FRMPD1: variants seen among roughly 807,000 people sequenced by gnomAD.
FRMPD1 encodes the protein FERM and PDZ domain containing 1.
FRMPD1 carries 76 observed loss-of-function variants against 117.8 expected under a neutral mutation model. The ratio of observed to expected loss-of-function variants is 0.65; its 90% CI spans 0.54 to 0.78. The LOEUF is 0.78. Among genes scored for constraint, FRMPD1 ranks in the 30% least tolerant of loss-of-function variants. The probability of loss-of-function intolerance (pLI) is 0.00; values close to 1 mark genes in which losing one functional copy is unlikely to be tolerated. For synonymous variants in FRMPD1, 783 were observed against 770.4 expected (o/e 1.02, Z -0.27); for missense variants, 1,786 against 1,964.5 (o/e 0.91, Z 1.72).
chr9:37,664,057 G>A (rs1172775598), intron 1 of FRMPD1, among the ~76,000 whole-genome samples: 1 of 152,094 alleles, frequency 6.6e-6, no homozygotes, highest in South Asian at 2.1e-4. Flanking sequence ...CATGACAGAC[G>A]CCCAAGAGCT....
At chr9:37,690,994 A>G (rs1588930979) in intron 1 of FRMPD1, among the ~76,000 whole-genome samples, 1 of 152,202 alleles carries the variant, frequency 6.6e-6, no homozygotes, top group East Asian at 1.9e-4. Flanking sequence ...ATCACCTCTT[A>G]TAAGTTTCAC....
the FRMPD1 span, among the ~76,000 whole-genome samples, chr9:37,608,937 G>A: frequency 6.6e-6 from 1 of 152,092 alleles, no homozygotes; most frequent in Admixed American, 6.5e-5. Context: ...GTCCAACCGT[G>A]CTCCTGAATT....
intron 1 of FRMPD1, among the ~76,000 whole-genome samples, chr9:37,692,124 G>A (rs764925191): frequency 2.6e-5 from 4 of 152,126 alleles, no homozygotes; most frequent in Admixed American, 6.5e-5. Flanking sequence ...TTTTTTATAA[G>A]CTAGTGTTGA....
chr9:37,679,956 T>C (rs749610681), intron 1 of FRMPD1, among the ~76,000 whole-genome samples: 7 of 152,160 alleles, frequency 4.6e-5, no homozygotes, highest in Non-Finnish European at 1.0e-4. Context: ...ACACCACCAG[T>C]GTTGGCATTG....
intron 2 of FRMPD1, among the ~76,000 whole-genome samples, chr9:37,701,980 A>G (rs1477538357): frequency 1.3e-5 from 2 of 152,216 alleles, no homozygotes; most frequent in African/African-American, 4.8e-5. Context: ...AGGAAAGTCA[A>G]GGATGACTCT....
At position 37,725,224 on chromosome 9, in the gene FRMPD1, A is replaced by G. The variant is rs116914832; in HGVS notation, c.612+904A>G. 2.4e-3 allele frequency among the ~76,000 whole-genome samples: 366 copies of G among 152,348 alleles called. 5 individuals carry two copies. In the East Asian group the frequency reaches 0.045, roughly 19 times the overall value. ...GAGTTTTATCCATAGATAATATCGT[A>G]TGGTGCTAGCAGTTCTTGAACAAGG... On this transcript the variant is annotated intron_variant, in intron 7 of 15. Transcript: ENST00000377765.
intron 1 of FRMPD1, among the ~76,000 whole-genome samples, chr9:37,678,844 G>A (rs1194928463): frequency 2.6e-5 from 4 of 152,232 alleles, no homozygotes; most frequent in Admixed American, 6.5e-5. Context: ...TTCTGTGTGA[G>A]CCTCCCAAGT....
the FRMPD1 span, among the ~76,000 whole-genome samples, chr9:37,644,118 G>A: frequency 2.6e-5 from 4 of 152,188 alleles, no homozygotes; most frequent in Non-Finnish European, 4.4e-5. Context: ...ATGCTGTGTG[G>A]GCTAGGTGTG....
chr9:37,660,965 A>C (rs1159088810), intron 1 of FRMPD1, among the ~76,000 whole-genome samples: 1 of 152,234 alleles, frequency 6.6e-6, no homozygotes, highest in Non-Finnish European at 1.5e-5. Flanking sequence ...AGTCATCAGT[A>C]GTATCCTGGC....
chr9:37,740,637 C>T lies in FRMPD1; in HGVS notation c.2109C>T (p.His703=), dbSNP rs746780829. 1.1e-5 allele frequency: 18 copies of T among 1,614,072 alleles called. No individual in the cohort carries two copies. The highest frequency in any genetic ancestry group is 2.7e-5 in the African/African-American group (2 of 75,060). The change falls in exon 15 of 16, where the codon CAC becomes CAT. Residue 703 remains histidine, a synonymous_variant. Transcript: ENST00000377765. The surrounding 1 kb of genome is among the most constrained non-coding windows in gnomAD (Gnocchi z 4.2). ...ACCCCAGGCTGTATGAAGGCAGCCA[C>T]GCTGACTACTACAGCCTGTGTTCCA... The part of the protein sequence containing the change: ...RLDPRLYEGS[H]ADYYSLCSSV...
At position 37,740,167 on chromosome 9, in the gene FRMPD1, C is replaced by T; in HGVS notation, c.1639C>T (p.Leu547=). Residue 547 remains leucine, a synonymous_variant, in exon 15 of 16, where the codon CTG becomes TTG. Transcript: ENST00000377765. This position sits in a 1 kb window ranked among gnomAD's most constrained non-coding sequence, Gnocchi z 4.2. ...EPLSDRRLVK[L]APCRSLIKEE... ...TCTCTCTGACAGGCGCCTGGTGAAA[C>T]TGGCACCCTGCAGATCACTCATAAA... The T allele has an allele frequency of 6.2e-7, 1 of 1,613,970 alleles. No homozygotes were observed. Among genetic ancestry groups the T allele is most frequent in the Non-Finnish European group, 8.5e-7 (1 of 1,179,882 alleles).
At chr9:37,631,043 C>T in the FRMPD1 span, among the ~76,000 whole-genome samples, 1 of 152,004 alleles carries the variant, frequency 6.6e-6, no homozygotes, top group Non-Finnish European at 1.5e-5. Context: ...ATAGGAAGTC[C>T]TACAGAGGAA....
intron 1 of FRMPD1, among the ~76,000 whole-genome samples, chr9:37,654,996 C>T (rs978772879): frequency 4.6e-5 from 7 of 152,150 alleles, no homozygotes; most frequent in African/African-American, 1.4e-4. Flanking sequence ...CTTCCCTGCC[C>T]CCGGAGGTGC....
the FRMPD1 span, among the ~76,000 whole-genome samples, chr9:37,640,907 G>T: frequency 1.9e-4 from 29 of 152,214 alleles, no homozygotes; most frequent in African/African-American, 6.5e-4. Context: ...TAGAGACAGG[G>T]TCTCGCTCTA....
the FRMPD1 span, among the ~76,000 whole-genome samples, chr9:37,612,264 T>C: frequency 0.16 from 24,717 of 152,126 alleles, 2,395 homozygotes; most frequent in African/African-American, 0.27. Context: ...TTCAGAACAC[T>C]CACAAACTTA....
chr9:37,618,621 A>C, the FRMPD1 span, among the ~76,000 whole-genome samples: 1 of 152,134 alleles, frequency 6.6e-6, no homozygotes, highest in Admixed American at 6.5e-5. Context: ...ATTGGTCCAA[A>C]TTAACCTTTC....
chr9:37,649,968 A>G (rs1017829030), upstream of FRMPD1, among the ~76,000 whole-genome samples: 2 of 152,018 alleles, frequency 1.3e-5, no homozygotes, highest in Non-Finnish European at 1.5e-5. Context: ...TCAGGTTTCC[A>G]TTTAGAGCAT....
At chr9:37,728,007 A>G (rs7024253) in intron 7 of FRMPD1, 96,583 of 152,144 alleles carry the variant, frequency 0.63, 31,085 homozygotes, top group Non-Finnish European at 0.7. Context: ...GGCAAGGCCC[A>G]CATCCTCAGA....
Position 37,731,081 on chromosome 9 carries a change from C to T in FRMPD1, c.836C>T (p.Ala279Val), listed in dbSNP as rs774259407. Residue 279 changes from alanine (A) to valine (V), a missense_variant, in exon 9 of 16, where the codon GCC (alanine) becomes GTC (valine). Coordinates refer to ENST00000377765, the MANE Select transcript of FRMPD1 (RefSeq NM_014907.3). ...GACCTCCTGAAAGAAGACCCCGTGGCCTTTGAATACCTCTATCTGCAGGTG... is the reference window on the plus strand; with the variant it reads ...GACCTCCTGAAAGAAGACCCCGTGGTCTTTGAATACCTCTATCTGCAGGTG... ...PLDLLKEDPV[A>V]FEYLYLQSCS... 6.2e-6 allele frequency: 10 copies of T among 1,613,368 alleles called. No homozygotes were observed. The highest frequency in any genetic ancestry group is 3.3e-4 in the Middle Eastern group (2 of 6,060).
Sources: allele counts gnomAD v4.1 joint callset (sites outside exome capture counted in the v4.1 genomes callset), GRCh38; gene constraint gnomAD v4.1.1; non-coding constraint Gnocchi (gnomAD v3.1); transcripts MANE v1.5; gene names NCBI Gene and HGNC (gene_info 2026-07-23, HGNC 2026-07-21).